UQCR11: variants seen among roughly 807,000 people sequenced by gnomAD.
UQCR11 encodes ubiquinol-cytochrome c reductase, complex III subunit XI.
Under a neutral mutation model 7.6 loss-of-function variants are expected in UQCR11, and 10 were observed. The observed-to-expected ratio is 1.31, with a 90% CI of 0.81 to 2.22. The LOEUF is 2.22. Ranked by LOEUF, UQCR11 falls within the 30% of genes most tolerant of loss-of-function variation. The pLI is 0.00. For missense variants in UQCR11, 86 were observed against 75.1 expected, an observed-to-expected ratio of 1.15 and a Z score of -0.54; for synonymous variants, 34 against 34.9, an observed-to-expected ratio of 0.97 and a Z score of 0.09.
intron 1 of UQCR11, among the ~76,000 whole-genome samples, chr19:1,604,771 C>A (rs1370810884): frequency 6.6e-6 from 1 of 152,180 alleles, no homozygotes; most frequent in Non-Finnish European, 1.5e-5. Flanking sequence ...TCAGGTGATC[C>A]ACCTGCCTCG....
chr19:1,600,061 T>C (rs1375049123), intron 1 of UQCR11, among the ~76,000 whole-genome samples: 1 of 152,216 alleles, frequency 6.6e-6, no homozygotes, highest in East Asian at 1.9e-4. Flanking sequence ...CGGCACGTGC[T>C]GTGAGAGCTC....
At chr19:1,600,386 T>G (rs924826873) in intron 1 of UQCR11, among the ~76,000 whole-genome samples, 2 of 152,086 alleles carry the variant, frequency 1.3e-5, no homozygotes, top group Non-Finnish European at 2.9e-5. Flanking sequence ...GCTAATTTTT[T>G]GCATTTTTAG....
intron 1 of UQCR11, among the ~76,000 whole-genome samples, chr19:1,602,952 C>T (rs988420229): frequency 1.3e-5 from 2 of 152,216 alleles, no homozygotes; most frequent in Admixed American, 6.5e-5. Flanking sequence ...CTCGTCGCCA[C>T]GACAACCCCT....
chr19:1,604,229 G>GCCC (rs2060755331), intron 1 of UQCR11, among the ~76,000 whole-genome samples: 1 of 152,212 alleles, frequency 6.6e-6, no homozygotes, highest in African/African-American at 2.4e-5. Context: ...ACAGGCGTGA[G>GCCC]TCACTGCGCC....
rs556923383 is a variant in UQCR11, at chr19:1,599,699, C to A, written c.51-139G>T. On this transcript the variant is annotated intron_variant, in intron 1 of 2. Transcript: ENST00000591899. The stretch of plus-strand genomic sequence containing the variant: ...CCTGTGCCCGCCCAGTGCTGTGAGC[C>A]CTGAGGGCTGGCACCAGCAGCACAG... 54 of 1,355,218 alleles carry A rather than the reference C, an allele frequency of 4.0e-5. No individual in the cohort carries two copies. In the African/African-American group the frequency reaches 7.0e-4, roughly 18 times the overall value. 83.9% of individuals were successfully genotyped at this position (1,355,218 alleles called of 1,614,324 possible).
intron 2 of UQCR11, 42 bp downstream of exon 2, chr19:1,599,369 CG>C: frequency 6.3e-7 from 1 of 1,596,170 alleles, no homozygotes; most frequent in African/African-American, 1.3e-5. Context: ...GGCCACCATC[CG>C]GCCATCATGC....
At chr19:1,602,972 C>T (rs946338716) in intron 1 of UQCR11, among the ~76,000 whole-genome samples, 1 of 152,210 alleles carries the variant, frequency 6.6e-6, no homozygotes, top group Non-Finnish European at 1.5e-5. Flanking sequence ...TTCCTCAAAG[C>T]AAGCCCCAGC....
In UQCR11 at chr19:1,605,359, C is replaced by T; in HGVS notation, c.50+1G>A. The T allele has an allele frequency of 6.3e-7, 1 of 1,579,752 alleles. No homozygotes were observed. The highest frequency in any genetic ancestry group is 8.6e-7 in the Non-Finnish European group (1 of 1,167,166). ...ATGGGGCCGCGGGTCGGCGTCCTCA[C>T]CAGTTCTTGACCAGCTCCCGGTAGC... On this transcript the variant is annotated splice_donor_variant, in intron 1 of 2. Transcript: ENST00000591899. LOFTEE classifies it high-confidence loss of function.
intron 1 of UQCR11, among the ~76,000 whole-genome samples, chr19:1,603,445 T>C (rs1445473037): frequency 6.6e-6 from 1 of 151,638 alleles, no homozygotes; most frequent in East Asian, 1.9e-4. Flanking sequence ...CACTAAAAAA[T>C]ACAAAAAAAA....
intron 1 of UQCR11, among the ~76,000 whole-genome samples, chr19:1,605,008 G>A (rs2060757865): frequency 6.6e-6 from 1 of 152,272 alleles, no homozygotes; most frequent in Admixed American, 6.5e-5. Context: ...GGCAAAGGCC[G>A]AAGATGCCGC....
intron 1 of UQCR11, among the ~76,000 whole-genome samples, chr19:1,604,053 C>G (rs1310682970): frequency 6.6e-6 from 1 of 152,186 alleles, no homozygotes; most frequent in Non-Finnish European, 1.5e-5. Flanking sequence ...TTGAGCGATT[C>G]TCCTGCCTCA....
At chr19:1,602,804 G>A (rs2060751090) in intron 1 of UQCR11, among the ~76,000 whole-genome samples, 1 of 152,152 alleles carries the variant, frequency 6.6e-6, no homozygotes, top group African/African-American at 2.4e-5. Context: ...CAGTGGGCCG[G>A]CCTCCGCCTC....
intron 1 of UQCR11, among the ~76,000 whole-genome samples, chr19:1,601,877 C>A (rs1377351739): frequency 1.3e-5 from 2 of 152,044 alleles, no homozygotes; most frequent in African/African-American, 4.8e-5. Context: ...AAATCCAATT[C>A]CGGGCGGGGT....
rs949472175 is a variant in UQCR11, at chr19:1,604,523, C to CT, written c.50+836dup. On this transcript the variant is annotated intron_variant, in intron 1 of 2. Transcript: ENST00000591899. ...ACTGCACCCGGCTAAGACCTTGCTG[C>CT]TTTTTTTTTCTTTTCTCTTTTTGGG... Among the ~76,000 whole-genome samples, 239 of 150,074 alleles carry CT rather than the reference C, an allele frequency of 1.6e-3. 1 individual carries two copies. Among genetic ancestry groups the CT allele is most frequent in the African/African-American group, 5.5e-3 (224 of 40,816 alleles).
Position 1,599,494 on chromosome 19 carries a change from C to T in UQCR11, c.117G>A (p.Arg39=), listed in dbSNP as rs1208749293. The part of the protein sequence containing the change: ...AVGLVWATDW[R]LILDWVPYIN... Reference sequence around the variant, plus strand: ...TGTAAGGTACCCAGTCCAGGATCAGCCGCCAATCGGTGGCCCACACCAGCC... The same window carrying T: ...TGTAAGGTACCCAGTCCAGGATCAGTCGCCAATCGGTGGCCCACACCAGCC... The change falls in exon 2 of 3, where the codon CGG becomes CGA. Residue 39 remains arginine, a synonymous_variant. Transcript: ENST00000591899. The T allele has an allele frequency of 6.2e-7, 1 of 1,613,686 alleles. No individual in the cohort carries two copies. Among genetic ancestry groups the T allele is most frequent in the Non-Finnish European group, 8.5e-7 (1 of 1,180,014 alleles).
At chr19:1,598,495 G>C (rs1361677273) in intron 2 of UQCR11, among the ~76,000 whole-genome samples, 1 of 151,654 alleles carries the variant, frequency 6.6e-6, no homozygotes, top group Non-Finnish European at 1.5e-5. Flanking sequence ...AGTGCGCCAA[G>C]ATCGCGTCAT....
chr19:1,600,209 C>A, intron 1 of UQCR11, among the ~76,000 whole-genome samples: 2 of 121,352 alleles, frequency 1.6e-5, no homozygotes, highest in African/African-American at 6.0e-5. Context: ...GCACAGGCTT[C>A]TTTTTTTTTT....
chr19:1,597,334 C>T lies in UQCR11; in HGVS notation c.*910G>A, dbSNP rs754106144. On this transcript the variant is annotated 3_prime_UTR_variant, in exon 3 of 3. Transcript: ENST00000591899. The stretch of plus-strand genomic sequence containing the variant: ...TGTAGGCTGAGCCACCACTCCCAGC[C>T]TGTTCATTTTTGTATCCCTAATGTG... The T allele has an allele frequency of 2.0e-5, 3 of 152,208 alleles. No homozygotes were observed. The highest frequency in any genetic ancestry group is 4.4e-5 in the Non-Finnish European group (3 of 68,042). The allele number at this position is 152,208 out of a possible 1,614,324, so 9.4% of individuals were successfully genotyped here. A position where few individuals can be genotyped will look rare whatever the true frequency, so the allele number is the denominator to read the frequency against.
intron 1 of UQCR11, among the ~76,000 whole-genome samples, chr19:1,602,934 C>A (rs2060751421): frequency 6.6e-6 from 1 of 152,328 alleles, no homozygotes; most frequent in African/African-American, 2.4e-5. Context: ...ACCACACTGA[C>A]CAACGACCTC....
Sources: gnomAD v4.1 joint callset for allele counts (sites outside exome capture counted in the v4.1 genomes callset) on GRCh38, gnomAD v4.1.1 for gene constraint, MANE v1.5 for transcripts, NCBI Gene and HGNC (gene_info 2026-07-23, HGNC 2026-07-21) for gene names.